The following INSC variants were observed in gnomAD, a reference collection of about 807,000 sequenced individuals.
INSC encodes the protein protein inscuteable homolog.
Under a neutral mutation model 58.6 loss-of-function variants are expected in INSC, and 67 were observed. The ratio of observed to expected loss-of-function variants is 1.14; its 90% CI spans 0.94 to 1.40. The LOEUF (loss-of-function observed/expected upper bound fraction) is 1.40, where lower values mean the gene tolerates loss of function less well. INSC is among the 40% of genes most tolerant of loss of function. INSC has a pLI of 0.00. For missense variants in INSC, 714 were observed against 692.0 expected (o/e 1.03, Z -0.36); for synonymous variants, 262 against 276.1 (o/e 0.95, Z 0.51).
intron 2 of INSC, among the ~76,000 whole-genome samples, chr11:15,152,643 A>C (rs1392624723): frequency 6.6e-6 from 1 of 152,168 alleles, no homozygotes; most frequent in African/African-American, 2.4e-5. Flanking sequence ...TGATTCATGA[A>C]TTGTTTTTTG....
intron 2 of INSC, among the ~76,000 whole-genome samples, chr11:15,149,573 C>T (rs1464009520): frequency 1.3e-5 from 2 of 152,148 alleles, no homozygotes; most frequent in African/African-American, 4.8e-5. Flanking sequence ...TGGATGTCTT[C>T]TCTTTTGCCC....
At chr11:15,135,560 A>T (rs1848224902) in intron 1 of INSC, among the ~76,000 whole-genome samples, 1 of 151,624 alleles carries the variant, frequency 6.6e-6, no homozygotes, top group African/African-American at 2.4e-5. Flanking sequence ...GCTGGTGAGA[A>T]CTCTTCACCC....
chr11:15,146,130 A>G (rs1028808565), intron 1 of INSC, among the ~76,000 whole-genome samples: 2 of 152,262 alleles, frequency 1.3e-5, no homozygotes, highest in African/African-American at 4.8e-5. Context: ...ACACATGCTC[A>G]GTAAATATTA....
intron 6 of INSC, among the ~76,000 whole-genome samples, chr11:15,199,067 C>T (rs1055823772): frequency 6.6e-6 from 1 of 152,166 alleles, no homozygotes; most frequent in Admixed American, 6.5e-5. Context: ...GTCATTGCCC[C>T]TCTACCCAGC....
At chr11:15,117,492 G>T (rs551467504) in intron 1 of INSC, among the ~76,000 whole-genome samples, 1 of 152,322 alleles carries the variant, frequency 6.6e-6, no homozygotes, top group African/African-American at 2.4e-5. Flanking sequence ...TGCTTCCCTT[G>T]TCACTCTGCT....
chr11:15,190,861 G>C, intron 6 of INSC, 47 bp downstream of exon 6: 2 of 1,303,994 alleles, frequency 1.5e-6, no homozygotes, highest in Non-Finnish European at 2.2e-6. Flanking sequence ...GGGGAAGTAT[G>C]AGGAAGCTCA....
the INSC span, among the ~76,000 whole-genome samples, chr11:15,254,855 A>G: frequency 6.6e-6 from 1 of 152,352 alleles, no homozygotes; most frequent in South Asian, 2.1e-4. Context: ...CTAGGAAAGA[A>G]GAAACAGGCT....
rs7108320 is a variant in INSC at position 15,151,183 on chromosome 11, C to T, written c.56+1953C>T. Among the ~76,000 whole-genome samples, 391 of 152,276 alleles carry T rather than the reference C, an allele frequency of 2.6e-3. 2 individuals carry two copies. Among genetic ancestry groups the T allele is most frequent in the African/African-American group, 7.6e-3 (316 of 41,544 alleles). The stretch of plus-strand genomic sequence containing the variant: ...AGAGCAAGCATTACTGCCTGAGCTC[C>T]GTCTCCTGTCAGATCAGAGGCGGCA... On this transcript the variant is annotated intron_variant, in intron 2 of 12. Coordinates refer to ENST00000379556, the MANE Select transcript of INSC (RefSeq NM_001042536.3).
chr11:15,251,236 T>C (rs1213379545), downstream of INSC, among the ~76,000 whole-genome samples: 1 of 152,192 alleles, frequency 6.6e-6, no homozygotes, highest in African/African-American at 2.4e-5. Flanking sequence ...AGCTACATTA[T>C]GCCAAACACA....
intron 2 of INSC, among the ~76,000 whole-genome samples, chr11:15,169,309 T>C (rs528176599): frequency 6.6e-6 from 1 of 152,282 alleles, no homozygotes; most frequent in Admixed American, 6.5e-5. Context: ...TGGGAGTAGC[T>C]ATGTTCCTTT....
chr11:15,232,126 T>C (rs899000385), intron 9 of INSC, among the ~76,000 whole-genome samples: 4 of 152,186 alleles, frequency 2.6e-5, no homozygotes, highest in Non-Finnish European at 4.4e-5. Flanking sequence ...AATTTGAAAA[T>C]GCCACAGAAG....
At chr11:15,230,011 ATAATATATATATATAT>A (rs1564917879) in intron 9 of INSC, among the ~76,000 whole-genome samples, 11 of 25,548 alleles carry the variant, frequency 4.3e-4, no homozygotes, top group Non-Finnish European at 6.9e-4. Context: ...ATATATATAT[ATAATATATATATATAT>A]ATATATATAT....
At chr11:15,202,639 CACCTT>C (rs1247700048) in intron 7 of INSC, among the ~76,000 whole-genome samples, 33 of 152,198 alleles carry the variant, frequency 2.2e-4, no homozygotes, top group Non-Finnish European at 4.3e-4. Context: ...GTTTGTTTCT[CACCTT>C]TCCTGTCTGG....
chr11:15,240,065 C>T (rs1321416631), intron 11 of INSC, among the ~76,000 whole-genome samples: 1 of 152,024 alleles, frequency 6.6e-6, no homozygotes, highest in Non-Finnish European at 1.5e-5. Flanking sequence ...CATTGCAAAG[C>T]TAAGTCATTC....
rs547278923 is a variant in INSC, at chr11:15,167,940, G to C, written c.57-7801G>C. Among the ~76,000 whole-genome samples the C allele has an allele frequency of 3.9e-5, 6 of 152,214 alleles. No homozygotes were observed. In the East Asian group the frequency reaches 1.2e-3, roughly 29 times the overall value. ...CAGCAATTATATCTTGGCGGCTCAT[G>C]ATTCTTGCCCACTCTCCTCTCCCGA... On this transcript the variant is annotated intron_variant, in intron 2 of 12. Coordinates refer to ENST00000379556, the MANE Select transcript of INSC (RefSeq NM_001042536.3).
At position 15,187,027 on chromosome 11, in the gene INSC, G is replaced by A. The variant is rs551982591; in HGVS notation, c.580-3674G>A. ...ATGGCTTGAAGAGTGCTAGACAGTG[G>A]TATTCACTCACATGTATGGTGCCAT... On this transcript the variant is annotated intron_variant, in intron 5 of 12. Transcript: ENST00000379556. Among the ~76,000 whole-genome samples the A allele has an allele frequency of 2.6e-5, 4 of 152,288 alleles. No individual in the cohort carries two copies. The South Asian group carries it at 6.2e-4, about 24-fold the overall frequency.
intron 1 of INSC, among the ~76,000 whole-genome samples, chr11:15,129,075 G>A (rs1848065589): frequency 6.6e-6 from 1 of 152,202 alleles, no homozygotes; most frequent in African/African-American, 2.4e-5. Context: ...GTAGAAGTAT[G>A]TGAGCAAGAA....
At chr11:15,242,928 T>A (rs184675773) in intron 12 of INSC, among the ~76,000 whole-genome samples, 26 of 152,322 alleles carry the variant, frequency 1.7e-4, no homozygotes, top group African/African-American at 6.3e-4. Flanking sequence ...AACCAGACCA[T>A]CTTGTTCCAA....
At chr11:15,220,157 C>G (rs113006726) in intron 7 of INSC, among the ~76,000 whole-genome samples, 1 of 152,310 alleles carries the variant, frequency 6.6e-6, no homozygotes, top group East Asian at 1.9e-4. Flanking sequence ...ATTAGGCAAA[C>G]GAAATGCAGA....
Sources: allele counts gnomAD v4.1 joint callset (sites outside exome capture counted in the v4.1 genomes callset), GRCh38; gene constraint gnomAD v4.1.1; transcripts MANE v1.5; gene names NCBI Gene and HGNC (gene_info 2026-07-23, HGNC 2026-07-21).